Variants in ENPP6 observed in about 807,000 individuals in gnomAD.
ENPP6 encodes glycerophosphocholine cholinephosphodiesterase ENPP6.
Under a neutral mutation model 42.0 loss-of-function variants are expected in ENPP6, and 32 were observed. The observed-to-expected ratio is 0.76, with a 90% CI of 0.58 to 1.02. The LOEUF is 1.02. Among genes scored for constraint, ENPP6 ranks in the 50% least tolerant of loss-of-function variants. ENPP6 has a pLI of 0.00. For missense variants in ENPP6, 552 were observed against 566.8 expected (o/e 0.97, Z 0.27); for synonymous variants, 213 against 216.0 (o/e 0.99, Z 0.12).
chr4:184,186,845 G>A (rs553885072), intron 1 of ENPP6, among the ~76,000 whole-genome samples: 11 of 152,074 alleles, frequency 7.2e-5, no homozygotes, highest in African/African-American at 2.2e-4. Flanking sequence ...TCCATGCCCC[G>A]GTGCTAGAGT....
At chr4:184,146,327 A>G (rs1405735970) in intron 2 of ENPP6, among the ~76,000 whole-genome samples, 2 of 151,740 alleles carry the variant, frequency 1.3e-5, no homozygotes, top group Non-Finnish European at 2.9e-5. Context: ...GCTACTCGGG[A>G]GGCTGAGGCA....
At chr4:184,211,937 C>A (rs1362566382) in intron 1 of ENPP6, among the ~76,000 whole-genome samples, 4 of 144,782 alleles carry the variant, frequency 2.8e-5, no homozygotes, top group Non-Finnish European at 6.0e-5. Flanking sequence ...GTTCAATATA[C>A]GCAAATCAAT....
At chr4:184,127,451 C>T (rs1256213419) in intron 2 of ENPP6, among the ~76,000 whole-genome samples, 3 of 151,948 alleles carry the variant, frequency 2.0e-5, no homozygotes, top group African/African-American at 4.8e-5. Context: ...TTTTAAACTC[C>T]AAAACATCAA....
intron 2 of ENPP6, among the ~76,000 whole-genome samples, chr4:184,134,654 C>T (rs13138423): frequency 0.64 from 96,942 of 151,548 alleles, 31,332 homozygotes; most frequent in Non-Finnish European, 0.68. Context: ...TTTTCATCCA[C>T]TTTAACAGTT....
At chr4:184,197,228 C>T (rs1732814096) in intron 1 of ENPP6, among the ~76,000 whole-genome samples, 1 of 152,156 alleles carries the variant, frequency 6.6e-6, no homozygotes, top group African/African-American at 2.4e-5. Flanking sequence ...CTACGTGGCT[C>T]CACCTCCCCC....
intron 5 of ENPP6, among the ~76,000 whole-genome samples, chr4:184,113,969 T>TTCTC (rs1290157360): frequency 3.0e-4 from 41 of 135,182 alleles, no homozygotes; most frequent in African/African-American, 1.0e-3. Flanking sequence ...CTTTCTCTCT[T>TTCTC]TCTTTCTTTC....
At chr4:184,091,854 C>A (rs538150512) in intron 7 of ENPP6, among the ~76,000 whole-genome samples, 3 of 152,296 alleles carry the variant, frequency 2.0e-5, no homozygotes, top group African/African-American at 7.2e-5. Flanking sequence ...CATGATAGTG[C>A]CACTGTACTC....
chr4:184,103,762 G>A (rs908329307), intron 6 of ENPP6, among the ~76,000 whole-genome samples: 2 of 152,218 alleles, frequency 1.3e-5, no homozygotes, highest in Non-Finnish European at 2.9e-5. Flanking sequence ...AGATGTGTTT[G>A]CCACATGCCG....
chr4:184,213,468 G>A (rs1377214900), intron 1 of ENPP6, among the ~76,000 whole-genome samples: 16 of 152,090 alleles, frequency 1.1e-4, no homozygotes, highest in African/African-American at 2.2e-4. Context: ...ACATTTATGC[G>A]GCCAAAAAAC....
chr4:184,098,782 A>G (rs1007858009), intron 6 of ENPP6, among the ~76,000 whole-genome samples: 5 of 152,218 alleles, frequency 3.3e-5, no homozygotes, highest in Middle Eastern at 3.2e-3. Flanking sequence ...CTAGCCATGC[A>G]CCTCAGAAGC....
At chr4:184,150,311 T>A (rs1357980101) in intron 2 of ENPP6, among the ~76,000 whole-genome samples, 1 of 152,050 alleles carries the variant, frequency 6.6e-6, no homozygotes, top group Non-Finnish European at 1.5e-5. Context: ...CTAGTGCCAT[T>A]TCTAAATTGC....
At chr4:184,205,451 G>A (rs1025916264) in intron 1 of ENPP6, among the ~76,000 whole-genome samples, 6 of 152,262 alleles carry the variant, frequency 3.9e-5, no homozygotes, top group African/African-American at 1.4e-4. Flanking sequence ...GGAGCAGCGT[G>A]CTCAAGCACG....
At chr4:184,144,117 T>C (rs550031950) in intron 2 of ENPP6, among the ~76,000 whole-genome samples, 2 of 152,302 alleles carry the variant, frequency 1.3e-5, no homozygotes, top group East Asian at 3.9e-4. Context: ...TGACAGAGAA[T>C]GGGGCCTAGG....
intron 1 of ENPP6, among the ~76,000 whole-genome samples, chr4:184,188,917 G>C (rs1461073313): frequency 6.6e-6 from 1 of 152,122 alleles, no homozygotes; most frequent in African/African-American, 2.4e-5. Context: ...AATAGATCTA[G>C]AAAGATTCCT....
chr4:184,142,111 T>C (rs1736834095), intron 2 of ENPP6, among the ~76,000 whole-genome samples: 1 of 152,216 alleles, frequency 6.6e-6, no homozygotes, highest in Non-Finnish European at 1.5e-5. Context: ...CTTTCCACTG[T>C]GCGCACTGCC....
At chr4:184,135,596 G>C (rs1736718640) in intron 2 of ENPP6, among the ~76,000 whole-genome samples, 1 of 152,056 alleles carries the variant, frequency 6.6e-6, no homozygotes, top group Non-Finnish European at 1.5e-5. Context: ...GTCTTTATAA[G>C]TAGCCTATAT....
At chr4:184,119,725 G>A (rs1250415505) in intron 3 of ENPP6, among the ~76,000 whole-genome samples, 1 of 152,152 alleles carries the variant, frequency 6.6e-6, no homozygotes, top group Non-Finnish European at 1.5e-5. Flanking sequence ...GAGGTGATTG[G>A]AGCATGGGGG....
intron 2 of ENPP6, among the ~76,000 whole-genome samples, chr4:184,147,222 A>G (rs1443342950): frequency 6.6e-6 from 1 of 152,192 alleles, no homozygotes; most frequent in Non-Finnish European, 1.5e-5. Context: ...CCAATCCATC[A>G]GCAGGTCCTG....
chr4:184,164,182 T>A (rs1334478195), intron 1 of ENPP6, among the ~76,000 whole-genome samples: 1 of 152,208 alleles, frequency 6.6e-6, no homozygotes, highest in Non-Finnish European at 1.5e-5. Context: ...AAAGCCTCAC[T>A]TTTTCTCTCT....
Sources: allele counts gnomAD v4.1 joint callset (sites outside exome capture counted in the v4.1 genomes callset), GRCh38; gene constraint gnomAD v4.1.1; transcripts MANE v1.5; gene names NCBI Gene and HGNC (gene_info 2026-07-23, HGNC 2026-07-21).